The following SEC23A variants were observed in gnomAD, a reference collection of about 807,000 sequenced individuals.
The protein encoded by SEC23A is SEC23 homolog A, COPII component.
In SEC23A, 56 loss-of-function variants were observed where a neutral mutation model predicts 103.7. The ratio of observed to expected loss-of-function variants is 0.54; its 90% CI spans 0.44 to 0.67. The LOEUF (loss-of-function observed/expected upper bound fraction) is 0.67. SEC23A is among the 30% of genes least tolerant of loss of function. The pLI is 0.00. For missense variants in SEC23A, 784 were observed against 936.4 expected (o/e 0.84, Z 2.12); for synonymous variants, 281 against 293.0 (o/e 0.96, Z 0.42).
At chr14:39,046,365 C>A (rs1406676419) in intron 15 of SEC23A, among the ~76,000 whole-genome samples, 1 of 152,002 alleles carries the variant, frequency 6.6e-6, no homozygotes, top group African/African-American at 2.4e-5. Flanking sequence ...CTCAGCTACT[C>A]GGGAGGCAGA....
At chr14:39,072,239 A>C (rs1257810290) in intron 9 of SEC23A, among the ~76,000 whole-genome samples, 1 of 152,206 alleles carries the variant, frequency 6.6e-6, no homozygotes, top group Non-Finnish European at 1.5e-5. Flanking sequence ...CTCAAAAAAA[A>C]AAAAGTGAGG....
intron 15 of SEC23A, among the ~76,000 whole-genome samples, chr14:39,047,686 G>A (rs1885891591): frequency 6.6e-6 from 1 of 152,104 alleles, no homozygotes; most frequent in Non-Finnish European, 1.5e-5. Context: ...ACTCCTTTAA[G>A]TTTCCTTTAA....
At chr14:39,057,908 T>C (rs1886302633) in intron 13 of SEC23A, among the ~76,000 whole-genome samples, 1 of 152,242 alleles carries the variant, frequency 6.6e-6, no homozygotes, top group Admixed American at 6.5e-5. Flanking sequence ...AAAAATCAAA[T>C]AATTAAAATT....
chr14:39,046,235 G>A (rs192744748), intron 15 of SEC23A, among the ~76,000 whole-genome samples: 88 of 152,274 alleles, frequency 5.8e-4, no homozygotes, highest in Non-Finnish European at 1.0e-3. Flanking sequence ...CTGGGAGGCC[G>A]AAGCAGGTGG....
intron 15 of SEC23A, among the ~76,000 whole-genome samples, chr14:39,045,889 C>G (rs1885815446): frequency 7.8e-6 from 1 of 128,060 alleles, no homozygotes; most frequent in Non-Finnish European, 1.7e-5. Flanking sequence ...TTTTATATGG[C>G]TGATATGATT....
At chr14:39,041,409 C>CAAAAAAA (rs56911438) in intron 17 of SEC23A, 2 of 14,642 alleles carry the variant, frequency 1.4e-4, no homozygotes, top group African/African-American at 2.1e-4. Flanking sequence ...AAAGAAAAAG[C>CAAAAAAA]AAAAAAAAAA....
chr14:39,093,164 G>A, intron 3 of SEC23A, 23 bp downstream of exon 3: 1 of 1,607,940 alleles, frequency 6.2e-7, no homozygotes, highest in Non-Finnish European at 8.5e-7. Flanking sequence ...ACTGCGCCCG[G>A]CATGCAATGG....
chr14:39,041,928 C>T (rs901861747), intron 17 of SEC23A, among the ~76,000 whole-genome samples: 1 of 150,222 alleles, frequency 6.7e-6, no homozygotes, highest in Non-Finnish European at 1.5e-5. Context: ...TGAGTAATGT[C>T]TTTACTATTA....
chr14:39,095,295 C>T (rs1012442389), intron 2 of SEC23A, among the ~76,000 whole-genome samples: 1 of 150,982 alleles, frequency 6.6e-6, no homozygotes. Flanking sequence ...CACTCAATCA[C>T]AACTTTTTTT....
chr14:39,078,959 G>A (rs1887129222), intron 7 of SEC23A, among the ~76,000 whole-genome samples: 1 of 151,890 alleles, frequency 6.6e-6, no homozygotes, highest in Admixed American at 6.6e-5. Context: ...ATTAAAGAAA[G>A]AAAAAATCAA....
chr14:39,083,928 G>T, intron 7 of SEC23A, among the ~76,000 whole-genome samples: 1 of 152,078 alleles, frequency 6.6e-6, no homozygotes, highest in East Asian at 1.9e-4. Flanking sequence ...ATCTCAAATA[G>T]TTTGGAGAAA....
At chr14:39,064,785 G>T (rs995183175) in intron 11 of SEC23A, 128 bp downstream of exon 11, 1 of 763,902 alleles carries the variant, frequency 1.3e-6, no homozygotes, top group Non-Finnish European at 2.4e-6. Flanking sequence ...TCTCTATGTT[G>T]CCTGAGCTGG....
chr14:39,063,459 T>C (rs746167458), intron 11 of SEC23A, 46 bp from the exon 12 acceptor site: 1 of 1,194,790 alleles, frequency 8.4e-7, no homozygotes, highest in South Asian at 1.3e-5. Context: ...AGACACAATT[T>C]ATTAATTTTA....
chr14:39,080,964 A>G lies in SEC23A; in HGVS notation c.828+4798T>C, dbSNP rs145754776. ...GCTGGTATCAGCCTTCTCAAAAAAC[A>G]TCAGCCAAGGTGGTAGGATCACTTG... On this transcript the variant is annotated intron_variant, in intron 7 of 19. Transcript: ENST00000307712. 2.0e-4 allele frequency among the ~76,000 whole-genome samples: 31 copies of G among 152,266 alleles called. No homozygotes were observed. In the East Asian group the frequency reaches 5.6e-3, roughly 28 times the overall value.
At chr14:39,089,825 G>A (rs568523228) in intron 5 of SEC23A, among the ~76,000 whole-genome samples, 9 of 152,212 alleles carry the variant, frequency 5.9e-5, no homozygotes, top group East Asian at 1.9e-4. Context: ...GCATGATGGC[G>A]GGTGCCAGTA....
intron 5 of SEC23A, 132 bp from the exon 6 acceptor site, chr14:39,087,140 G>C: frequency 1.5e-6 from 1 of 664,438 alleles, no homozygotes; most frequent in Non-Finnish European, 2.7e-6. Context: ...TCCTTCCTCA[G>C]AAAACAAAGA....
chr14:39,060,120 C>T (rs1411060288), intron 13 of SEC23A, among the ~76,000 whole-genome samples: 1 of 152,000 alleles, frequency 6.6e-6, no homozygotes, highest in African/African-American at 2.4e-5. Context: ...TGTGTGTGCA[C>T]ACACGTTGAG....
chr14:39,067,445 AAT>A (rs1317950881), intron 9 of SEC23A, 149 bp from the exon 10 acceptor site: 25 of 800,164 alleles, frequency 3.1e-5, no homozygotes, highest in South Asian at 6.8e-5. Flanking sequence ...TTAATATTCA[AAT>A]ATATATGAGA....
chr14:39,045,793 C>T (rs1885811166), intron 15 of SEC23A, among the ~76,000 whole-genome samples: 3 of 152,342 alleles, frequency 2.0e-5, no homozygotes, highest in East Asian at 1.9e-4. Context: ...ACACGTCTGA[C>T]CATATCTTTG....
Sources: allele counts gnomAD v4.1 joint callset (sites outside exome capture counted in the v4.1 genomes callset), GRCh38; gene constraint gnomAD v4.1.1; transcripts MANE v1.5; gene names NCBI Gene and HGNC (gene_info 2026-07-23, HGNC 2026-07-21).